Variants in PSPC1 observed in about 807,000 individuals in gnomAD.
PSPC1 encodes paraspeckle component 1, also known as paraspeckle protein 1.
PSPC1 carries 14 observed loss-of-function variants against 51.6 expected under a neutral mutation model. The ratio of observed to expected loss-of-function variants is 0.27; its 90% CI spans 0.18 to 0.42. The LOEUF is 0.42. PSPC1 is among the 10% of genes least tolerant of loss of function. The pLI, the probability that PSPC1 is intolerant of heterozygous loss-of-function variation, is 1.00. For missense variants in PSPC1, 406 were observed against 701.1 expected, an observed-to-expected ratio of 0.58 and a Z score of 4.75; for synonymous variants, 193 against 231.9, an observed-to-expected ratio of 0.83 and a Z score of 1.53.
intron 6 of PSPC1, among the ~76,000 whole-genome samples, chr13:19,727,548 T>A (rs1269187018): frequency 6.6e-6 from 1 of 152,238 alleles, no homozygotes; most frequent in Non-Finnish European, 1.5e-5. Flanking sequence ...GATATTTTTA[T>A]GACATTAACA....
At chr13:19,731,851 A>G (rs1263543567) in intron 5 of PSPC1, among the ~76,000 whole-genome samples, 1 of 152,218 alleles carries the variant, frequency 6.6e-6, no homozygotes, top group Non-Finnish European at 1.5e-5. Context: ...GGTGTTAAAC[A>G]TGTCCCATAA....
downstream of PSPC1, chr13:19,672,854 C>G (rs1876214121): frequency 2.9e-6 from 1 of 339,678 alleles, no homozygotes; most frequent in Non-Finnish European, 5.8e-6. Flanking sequence ...AATCCCAGCG[C>G]TTTGGAGGCT....
At chr13:19,682,134 A>G (rs1877335780) in intron 6 of PSPC1, among the ~76,000 whole-genome samples, 1 of 152,248 alleles carries the variant, frequency 6.6e-6, no homozygotes, top group South Asian at 2.1e-4. Flanking sequence ...TTGATGTAAT[A>G]TAACCTCAAT....
In PSPC1 at chr13:19,708,151, A is replaced by T. The variant is rs7333251; in HGVS notation, c.1216+1391T>A. Reference sequence around the variant, plus strand: ...GTAAAACAGCAATATATGACTCTACATTATCTGATTAGTAGTATTGAAAAA... The same window carrying T: ...GTAAAACAGCAATATATGACTCTACTTTATCTGATTAGTAGTATTGAAAAA... On this transcript the variant is annotated intron_variant, in intron 7 of 8. Coordinates refer to ENST00000338910, the MANE Select transcript of PSPC1 (RefSeq NM_001354909.2). Among the ~76,000 whole-genome samples the T allele has an allele frequency of 6.1e-3, 936 of 152,346 alleles. 14 individuals are homozygous for T. The highest frequency in any genetic ancestry group is 0.021 in the African/African-American group (859 of 41,574).
At chr13:19,740,010 G>A (rs559746627) in intron 5 of PSPC1, among the ~76,000 whole-genome samples, 2 of 152,172 alleles carry the variant, frequency 1.3e-5, no homozygotes, top group African/African-American at 4.8e-5. Flanking sequence ...CAGTTCCCTA[G>A]GTGAAATGTT....
intron 3 of PSPC1, among the ~76,000 whole-genome samples, chr13:19,756,027 A>G (rs1887032444): frequency 6.6e-6 from 1 of 152,092 alleles, no homozygotes; most frequent in Non-Finnish European, 1.5e-5. Flanking sequence ...ACCCAAGGTC[A>G]GGAGTTCGAG....
chr13:19,774,026 G>A (rs1361150556), intron 1 of PSPC1, among the ~76,000 whole-genome samples: 2 of 152,082 alleles, frequency 1.3e-5, no homozygotes, highest in African/African-American at 4.8e-5. Context: ...TACATGAAGA[G>A]AAACAAAGGC....
At chr13:19,673,119 A>C (rs1402348550), downstream of PSPC1, 7 of 450,330 alleles carry the variant, frequency 1.6e-5, no homozygotes, top group East Asian at 7.0e-5. Flanking sequence ...TTGAAAAGCC[A>C]GACCTTGTGC....
chr13:19,750,583 A>G (rs1208330077), intron 4 of PSPC1, among the ~76,000 whole-genome samples: 2 of 152,056 alleles, frequency 1.3e-5, no homozygotes, highest in Non-Finnish European at 2.9e-5. Context: ...ACATGTAATA[A>G]TAATCTTAAA....
chr13:19,765,807 T>C (rs939880327), intron 2 of PSPC1, among the ~76,000 whole-genome samples: 2 of 152,158 alleles, frequency 1.3e-5, no homozygotes, highest in African/African-American at 2.4e-5. Context: ...AGGGTTAATG[T>C]TGCTTTCCTA....
At chr13:19,697,583 G>A (rs1879409459), downstream of PSPC1, among the ~76,000 whole-genome samples, 1 of 152,040 alleles carries the variant, frequency 6.6e-6, no homozygotes, top group Non-Finnish European at 1.5e-5. Flanking sequence ...TCACTCCAAA[G>A]TTATCCTAAT....
intron 4 of PSPC1, among the ~76,000 whole-genome samples, chr13:19,742,347 T>G (rs1367958746): frequency 6.6e-6 from 1 of 151,330 alleles, no homozygotes; most frequent in Admixed American, 6.6e-5. Context: ...CTTGTGCCTG[T>G]AATCCCAGCA....
chr13:19,755,184 C>T (rs1294586889), intron 3 of PSPC1, among the ~76,000 whole-genome samples: 2 of 151,458 alleles, frequency 1.3e-5, no homozygotes, highest in Non-Finnish European at 2.9e-5. Context: ...TGCAGTGAGC[C>T]ATGACCATGC....
At chr13:19,774,862 C>G (rs2138332638) in intron 1 of PSPC1, among the ~76,000 whole-genome samples, 1 of 137,474 alleles carries the variant, frequency 7.3e-6, no homozygotes, top group East Asian at 2.2e-4. Context: ...GAAAAGCAAA[C>G]ATTTGGGAAA....
downstream of PSPC1, chr13:19,671,814 G>C (rs1876146348): frequency 6.2e-7 from 1 of 1,613,364 alleles, no homozygotes; most frequent in Non-Finnish European, 8.5e-7. Context: ...ACTGACACCT[G>C]CGTTCTTTTC....
chr13:19,775,212 G>C (rs1001282036), intron 1 of PSPC1, among the ~76,000 whole-genome samples: 6 of 151,828 alleles, frequency 4.0e-5, no homozygotes, highest in African/African-American at 1.5e-4. Flanking sequence ...AATTAGCCAG[G>C]CATGTGGCAC....
At chr13:19,717,264 T>C (rs566372586) in intron 6 of PSPC1, among the ~76,000 whole-genome samples, 1 of 151,592 alleles carries the variant, frequency 6.6e-6, no homozygotes, top group East Asian at 2.0e-4. Flanking sequence ...AAATGAATCT[T>C]TTCTAATAAA....
chr13:19,687,111 G>C (rs1290189714), intron 6 of PSPC1, among the ~76,000 whole-genome samples: 2 of 152,182 alleles, frequency 1.3e-5, no homozygotes, highest in African/African-American at 4.8e-5. Flanking sequence ...TGAGACAGGA[G>C]AATCACTTGA....
chr13:19,764,022 G>T (rs925956323), intron 2 of PSPC1, among the ~76,000 whole-genome samples: 4 of 151,848 alleles, frequency 2.6e-5, no homozygotes, highest in African/African-American at 4.8e-5. Flanking sequence ...GAAACTGAAG[G>T]TTTTTTTCAG....
Sources: gnomAD v4.1 joint callset for allele counts (sites outside exome capture counted in the v4.1 genomes callset) on GRCh38, gnomAD v4.1.1 for gene constraint, MANE v1.5 for transcripts, NCBI Gene and HGNC (gene_info 2026-07-23, HGNC 2026-07-21) for gene names.